TBC1D16: variants seen among roughly 807,000 people sequenced by gnomAD.
TBC1D16 encodes the protein TBC1 domain family member 16.
TBC1D16 carries 58 observed loss-of-function variants against 74.7 expected under a neutral mutation model. The ratio of observed to expected loss-of-function variants is 0.78; its 90% CI spans 0.63 to 0.97. TBC1D16 has a LOEUF of 0.97. TBC1D16 is among the 50% of genes least tolerant of loss of function. The pLI is 0.00. For missense variants in TBC1D16, 1,014 were observed against 1,079.5 expected, an observed-to-expected ratio of 0.94 and a Z score of 0.85; for synonymous variants, 493 against 474.7, an observed-to-expected ratio of 1.04 and a Z score of -0.50.
Position 79,978,690 on chromosome 17 carries a change from G to A in TBC1D16, c.780-25872C>T, listed in dbSNP as rs58333383. 6.5e-3 allele frequency among the ~76,000 whole-genome samples: 985 copies of A among 152,314 alleles called. 6 individuals are homozygous for A. The highest frequency in any genetic ancestry group is 0.051 in the East Asian group (265 of 5,180). On this transcript the variant is annotated intron_variant, in intron 3 of 11. Transcript: ENST00000310924. ...GACTGTGACGACTTAGACTCAGGAC[G>A]TGCACGTGATGCCGTACTGGGCTTT... is the stretch of plus-strand genomic sequence containing the variant.
chr17:80,015,512 A>G (rs1225562842), intron 1 of TBC1D16, among the ~76,000 whole-genome samples: 1 of 152,230 alleles, frequency 6.6e-6, no homozygotes, highest in Non-Finnish European at 1.5e-5. Context: ...GGGGATGTCC[A>G]GGACTCTGAC....
chr17:79,958,785 G>A (rs779183617), intron 3 of TBC1D16, among the ~76,000 whole-genome samples: 15 of 152,186 alleles, frequency 9.9e-5, no homozygotes, highest in African/African-American at 1.9e-4. Flanking sequence ...CACCGTTAGC[G>A]TCATACTGAA....
At chr17:79,965,935 C>G (rs1368627503) in intron 3 of TBC1D16, among the ~76,000 whole-genome samples, 1 of 152,218 alleles carries the variant, frequency 6.6e-6, no homozygotes, top group Non-Finnish European at 1.5e-5. Flanking sequence ...CCTTGTTTTC[C>G]CTGGCATGAG....
intron 3 of TBC1D16, among the ~76,000 whole-genome samples, chr17:79,966,538 A>G (rs1431684539): frequency 6.6e-6 from 1 of 151,958 alleles, no homozygotes; most frequent in Non-Finnish European, 1.5e-5. Context: ...CCACTCTCCA[A>G]GGCCCCGCTC....
intron 1 of TBC1D16, among the ~76,000 whole-genome samples, chr17:80,032,778 G>A (rs1046530262): frequency 5.3e-5 from 8 of 152,132 alleles, no homozygotes; most frequent in African/African-American, 1.7e-4. Flanking sequence ...CATCCTCTGC[G>A]CTGTCACCTT....
rs1346068277 is a variant in TBC1D16, at chr17:80,000,248, C to T, written c.779+9912G>A. Among the ~76,000 whole-genome samples the T allele has an allele frequency of 6.6e-6, 1 of 152,124 alleles. No individual in the cohort carries two copies. Among genetic ancestry groups the T allele is most frequent in the Non-Finnish European group, 1.5e-5 (1 of 68,006 alleles). ...CAAGATTCATGTCCACACAGAAGCT[C>T]CCAATGTGACCTTATTCAGAAATAG... On this transcript the variant is annotated intron_variant, in intron 3 of 11. Transcript: ENST00000310924. The surrounding 1 kb of genome is among the most constrained non-coding windows in gnomAD (Gnocchi z 4.1).
In TBC1D16 at chr17:79,950,468, G is replaced by A; in HGVS notation, c.1200C>T (p.Ala400=). The A allele has an allele frequency of 6.2e-7, 1 of 1,613,144 alleles. No individual in the cohort carries two copies. The highest frequency in any genetic ancestry group is 8.5e-7 in the Non-Finnish European group (1 of 1,179,882). Residue 400 remains alanine, a synonymous_variant, in exon 6 of 12, where the codon GCC becomes GCT. Transcript: ENST00000310924. This position sits in a 1 kb window ranked among gnomAD's most constrained non-coding sequence, Gnocchi z 4.6. ...CCAGCTCATTCAGGTGGTTGAGCCA[G>A]GCGGAGACGCCGAGCCTCTTGTACA... The part of the protein sequence containing the change: ...ESMYKRLGVS[A]WLNHLNELGQ...
rs73440357 is a variant in TBC1D16, at chr17:79,946,336, G to A, written c.1729-1249C>T. On this transcript the variant is annotated intron_variant, in intron 9 of 11. Coordinates refer to ENST00000310924, the MANE Select transcript of TBC1D16 (RefSeq NM_019020.4). ...AGTTCACAGTAGGGTTCTCGCGTTC[G>A]AGCTTCTGTGAGAATCTAATGCAGC... is the stretch of plus-strand genomic sequence containing the variant. 2.1e-3 allele frequency among the ~76,000 whole-genome samples: 327 copies of A among 152,332 alleles called. 1 individual carries two copies. Among genetic ancestry groups the A allele is most frequent in the African/African-American group, 7.4e-3 (306 of 41,566 alleles).
In TBC1D16 at chr17:79,941,188, A is replaced by T; in HGVS notation, c.2056-81T>A. 7.4e-7 allele frequency: 1 copy of T among 1,347,996 alleles called. No individual in the cohort carries two copies. The highest frequency in any genetic ancestry group is 1.0e-6 in the Non-Finnish European group (1 of 995,076). 83.5% of individuals were successfully genotyped at this position (1,347,996 alleles called of 1,614,324 possible). On this transcript the variant is annotated intron_variant, in intron 11 of 11. Transcript: ENST00000310924. This position sits in a 1 kb window ranked among gnomAD's most constrained non-coding sequence, Gnocchi z 4.3. ...GGTCCCCATGGGAGTGGCCAAAGAC[A>T]GCAACAGCAGCAACAACGGCCTGCA...
At position 79,956,392 on chromosome 17, in the gene TBC1D16, T is replaced by G. The variant is rs564175993; in HGVS notation, c.780-3574A>C. Among the ~76,000 whole-genome samples, 26 of 152,348 alleles carry G rather than the reference T, an allele frequency of 1.7e-4. No individual in the cohort carries two copies. In the South Asian group the frequency reaches 5.4e-3, roughly 32 times the overall value. Reference sequence around the variant, plus strand: ...CCTCAGTCTCCCAAGTAGCTGGGACTACAGGCACTCACCACCACATTTGGC... The same window carrying G: ...CCTCAGTCTCCCAAGTAGCTGGGACGACAGGCACTCACCACCACATTTGGC... On this transcript the variant is annotated intron_variant, in intron 3 of 11. Transcript: ENST00000310924. The surrounding 1 kb of genome is among the most constrained non-coding windows in gnomAD (Gnocchi z 4.0).
chr17:79,970,510 G>A (rs555906134), intron 3 of TBC1D16, among the ~76,000 whole-genome samples: 1 of 152,304 alleles, frequency 6.6e-6, no homozygotes, highest in East Asian at 1.9e-4. Context: ...TACAAAGCAT[G>A]GCCTCAGAAA....
chr17:79,958,305 C>T lies in TBC1D16; in HGVS notation c.780-5487G>A, dbSNP rs563763993. Among the ~76,000 whole-genome samples the T allele has an allele frequency of 3.3e-5, 5 of 151,680 alleles. No individual in the cohort carries two copies. In the South Asian group the frequency reaches 1.0e-3, roughly 32 times the overall value. On this transcript the variant is annotated intron_variant, in intron 3 of 11. Transcript: ENST00000310924. Reference sequence around the variant, plus strand: ...CAAGATCTCGGCTCACTGCAACCTCCACCTCCCGGGTTCAAGCGATTCTCC... The same window carrying T: ...CAAGATCTCGGCTCACTGCAACCTCTACCTCCCGGGTTCAAGCGATTCTCC...
At chr17:79,984,372 T>C (rs143010937) in intron 3 of TBC1D16, among the ~76,000 whole-genome samples, 79 of 152,124 alleles carry the variant, frequency 5.2e-4, no homozygotes, top group African/African-American at 1.5e-3. Flanking sequence ...TCTACAACTC[T>C]GTAAAATAAC....
intron 3 of TBC1D16, among the ~76,000 whole-genome samples, chr17:79,960,779 C>A (rs1034489173): frequency 0.12 from 4,044 of 33,884 alleles, 1,519 homozygotes; most frequent in East Asian, 0.23. Flanking sequence ...AACAAAAACC[C>A]AAAAAAAAAA....
intron 3 of TBC1D16, among the ~76,000 whole-genome samples, chr17:79,960,624 T>G (rs2033550130): frequency 6.6e-6 from 1 of 151,330 alleles, no homozygotes; most frequent in Non-Finnish European, 1.5e-5. Context: ...GGCATCGCAG[T>G]GCACCTCTGT....
chr17:79,990,668 T>C lies in TBC1D16; in HGVS notation c.779+19492A>G, dbSNP rs1167575424. ...CAGTGGCATTATACCATTCCTATTT[T>C]TGTGCAACCATGACACCACCCATCT... On this transcript the variant is annotated intron_variant, in intron 3 of 11. Coordinates refer to ENST00000310924, the MANE Select transcript of TBC1D16 (RefSeq NM_019020.4). The surrounding 1 kb of genome is among the most constrained non-coding windows in gnomAD (Gnocchi z 4.8). 1.3e-5 allele frequency among the ~76,000 whole-genome samples: 2 copies of C among 152,184 alleles called. No homozygotes were observed. The highest frequency in any genetic ancestry group is 4.8e-5 in the African/African-American group (2 of 41,444).
Position 79,948,933 on chromosome 17 carries a change from G to C in TBC1D16, c.1480C>G (p.Arg494Gly). The stretch of plus-strand genomic sequence containing the variant: ...AAGAACTGGTTGTTCCGATCTGTCC[G>C]GACCACGTCTTTGTCCACAGTGAAC... Reference protein sequence around the residue: ...VQFTVDKDVVRTDRNNQFFRG... With the variant: ...VQFTVDKDVVGTDRNNQFFRG... Residue 494 changes from arginine (R) to glycine (G), a missense_variant, in exon 8 of 12, where the codon CGG becomes GGG. By Grantham distance (125) the Arg-to-Gly change is moderately radical. Transcript: ENST00000310924. 6.2e-7 allele frequency: 1 copy of C among 1,614,122 alleles called. No homozygotes were observed. Among genetic ancestry groups the C allele is most frequent in the Non-Finnish European group, 8.5e-7 (1 of 1,180,000 alleles).
chr17:79,953,268 G>A (rs1568584780), intron 3 of TBC1D16, among the ~76,000 whole-genome samples: 1 of 152,154 alleles, frequency 6.6e-6, no homozygotes, highest in Non-Finnish European at 1.5e-5. Flanking sequence ...AGATAGCATG[G>A]GGCTTCCGCG....
intron 1 of TBC1D16, among the ~76,000 whole-genome samples, chr17:80,034,509 C>T (rs1389127204): frequency 6.6e-6 from 1 of 152,178 alleles, no homozygotes; most frequent in African/African-American, 2.4e-5. Flanking sequence ...GCCATAAAAA[C>T]TTTCGCCATA....
Sources: allele counts gnomAD v4.1 joint callset (sites outside exome capture counted in the v4.1 genomes callset), GRCh38; gene constraint gnomAD v4.1.1; non-coding constraint Gnocchi (gnomAD v3.1); transcripts MANE v1.5; gene names NCBI Gene and HGNC (gene_info 2026-07-23, HGNC 2026-07-21).